SPATA6: variants seen among roughly 807,000 people sequenced by gnomAD.
SPATA6 encodes the protein spermatogenesis-associated protein 6.
SPATA6 carries 56 observed loss-of-function variants against 65.3 expected under a neutral mutation model. That is an observed-to-expected ratio of 0.86 (90% CI 0.69 to 1.07). SPATA6 has a LOEUF of 1.07. Among genes scored for constraint, SPATA6 ranks in the 50% least tolerant of loss-of-function variants. The probability of loss-of-function intolerance (pLI) is 0.00; values close to 1 mark genes in which losing one functional copy is unlikely to be tolerated. For synonymous variants in SPATA6, 199 were observed against 213.2 expected, an observed-to-expected ratio of 0.93 and a Z score of 0.58; for missense variants, 590 against 594.8, an observed-to-expected ratio of 0.99 and a Z score of 0.08.
At position 48,470,673 on chromosome 1, in the gene SPATA6, T is replaced by C. The variant is rs1375496793; in HGVS notation, c.51+1285A>G. 2.0e-5 allele frequency among the ~76,000 whole-genome samples: 3 copies of C among 152,130 alleles called. No homozygotes were observed. In the East Asian group the frequency reaches 5.8e-4, roughly 29 times the overall value. Reference sequence around the variant, plus strand: ...GTGATTTTCCTAGGGGTTTAAGTTCTGTGCTGCAGCAACCTCATTCTAACG... The same window carrying C: ...GTGATTTTCCTAGGGGTTTAAGTTCCGTGCTGCAGCAACCTCATTCTAACG... On this transcript the variant is annotated intron_variant, in intron 1 of 12. Transcript: ENST00000371847.
At chr1:48,459,048 AG>A (rs1657217981) in intron 1 of SPATA6, among the ~76,000 whole-genome samples, 1 of 151,786 alleles carries the variant, frequency 6.6e-6, no homozygotes, top group African/African-American at 2.4e-5. Context: ...TACTAAAAAT[AG>A]AAAAAATTAA....
intron 1 of SPATA6, among the ~76,000 whole-genome samples, chr1:48,459,555 C>A (rs1314030526): frequency 6.6e-6 from 1 of 152,010 alleles, no homozygotes; most frequent in Admixed American, 6.6e-5. Context: ...AATAAGCAGT[C>A]AAGTAATCAT....
rs982602814 is a variant in SPATA6, at chr1:48,421,296, A to T, written c.239-8145T>A. Reference sequence around the variant, plus strand: ...CAATGTATAAATGTATTAAAATTTCATATGATGCCCTATATATATGCACAA... The same window carrying T: ...CAATGTATAAATGTATTAAAATTTCTTATGATGCCCTATATATATGCACAA... On this transcript the variant is annotated intron_variant, in intron 3 of 12. Transcript: ENST00000371847. Among the ~76,000 whole-genome samples the T allele has an allele frequency of 7.1e-5, 9 of 126,106 alleles. No homozygotes were observed. The East Asian group carries it at 1.8e-3, about 25-fold the overall frequency. 82.7% of individuals were successfully genotyped at this position (126,106 alleles called of 152,430 possible). A position where few individuals can be genotyped will look rare whatever the true frequency, so the allele number is the denominator to read the frequency against.
chr1:48,313,215 G>A (rs1173512315), intron 11 of SPATA6, among the ~76,000 whole-genome samples: 1 of 152,116 alleles, frequency 6.6e-6, no homozygotes, highest in Non-Finnish European at 1.5e-5. Context: ...TACTCCTCGA[G>A]AAGAGCAACT....
At chr1:48,434,274 A>AC (rs1654680691) in intron 3 of SPATA6, among the ~76,000 whole-genome samples, 1 of 151,514 alleles carries the variant, frequency 6.6e-6, no homozygotes, top group Non-Finnish European at 1.5e-5. Flanking sequence ...AAAAAAAAAA[A>AC]AAAACAGGAA....
chr1:48,329,862 C>G (rs1645866212), intron 11 of SPATA6, among the ~76,000 whole-genome samples: 1 of 152,184 alleles, frequency 6.6e-6, no homozygotes, highest in Non-Finnish European at 1.5e-5. Flanking sequence ...CTGTGCAAGA[C>G]CAGGAACAGG....
intron 10 of SPATA6, among the ~76,000 whole-genome samples, chr1:48,358,834 T>A (rs1646729880): frequency 1.3e-5 from 2 of 152,172 alleles, no homozygotes; most frequent in African/African-American, 2.4e-5. Context: ...CCACTATGAA[T>A]ACTTTCAAAG....
intron 11 of SPATA6, among the ~76,000 whole-genome samples, chr1:48,316,082 A>C (rs990630733): frequency 3.3e-5 from 5 of 152,344 alleles, no homozygotes; most frequent in South Asian, 2.1e-4. Context: ...AGGAAGAATC[A>C]ATATCATGAA....
rs574527664 is a variant in SPATA6 at position 48,314,267 on chromosome 1, C to G, written c.1195-8389G>C. Among the ~76,000 whole-genome samples the G allele has an allele frequency of 2.0e-5, 3 of 152,288 alleles. No homozygotes were observed. In the East Asian group the frequency reaches 5.8e-4, roughly 29 times the overall value. ...TTTTCAGCACCACACCACACCTATT[C>G]CAAAACTGACCACATAGTTGGAAGT... is the stretch of plus-strand genomic sequence containing the variant. On this transcript the variant is annotated intron_variant, in intron 11 of 12. Coordinates refer to ENST00000371847, the MANE Select transcript of SPATA6 (RefSeq NM_019073.4).
chr1:48,276,902 A>G, the SPATA6 span, among the ~76,000 whole-genome samples: 3 of 151,820 alleles, frequency 2.0e-5, no homozygotes, highest in South Asian at 6.3e-4. Flanking sequence ...TTTGTGTCTC[A>G]TTGATCTAAT....
chr1:48,275,651 C>T, the SPATA6 span, among the ~76,000 whole-genome samples: 10 of 151,074 alleles, frequency 6.6e-5, no homozygotes, highest in South Asian at 2.1e-4. Flanking sequence ...TTGATTGATT[C>T]GCATATGTTT....
At chr1:48,455,425 C>T (rs1162782097) in intron 1 of SPATA6, among the ~76,000 whole-genome samples, 1 of 151,136 alleles carries the variant, frequency 6.6e-6, no homozygotes, top group Non-Finnish European at 1.5e-5. Flanking sequence ...GTCTGTCGTC[C>T]AGGCTGCAGT....
rs1646642035 is a variant in SPATA6, at chr1:48,355,774, A to G, written c.1095-5T>C. The G allele has an allele frequency of 6.2e-7, 1 of 1,607,132 alleles. No individual in the cohort carries two copies. The highest frequency in any genetic ancestry group is 1.3e-5 in the African/African-American group (1 of 74,560). ...GAACACCAATCAGAATGAAATCTGT[A>G]GGCAAAAAATAAGTTTTATTTTTGT... On this transcript the variant is annotated splice_region_variant and splice_polypyrimidine_tract_variant and intron_variant, in intron 10 of 12. Transcript: ENST00000371847.
intron 1 of SPATA6, among the ~76,000 whole-genome samples, chr1:48,467,515 A>G (rs755272443): frequency 2.6e-5 from 4 of 152,260 alleles, no homozygotes; most frequent in Non-Finnish European, 5.9e-5. Flanking sequence ...ACAAGAATGA[A>G]TATTCATAAT....
chr1:48,436,307 T>C (rs1654934409), intron 3 of SPATA6: 2 of 1,613,256 alleles, frequency 1.2e-6, no homozygotes, highest in South Asian at 2.2e-5. Flanking sequence ...TCCCACTTTT[T>C]CCGGCATCCC....
chr1:48,269,072 C>G, the SPATA6 span, among the ~76,000 whole-genome samples: 1 of 152,068 alleles, frequency 6.6e-6, no homozygotes, highest in Admixed American at 6.5e-5. Flanking sequence ...TCTCACACAG[C>G]CTACATAAAT....
chr1:48,401,706 T>C (rs1327454739), intron 6 of SPATA6, among the ~76,000 whole-genome samples: 1 of 152,080 alleles, frequency 6.6e-6, no homozygotes, highest in Non-Finnish European at 1.5e-5. Context: ...GGGCAAAACA[T>C]CTGCCACTGT....
chr1:48,311,998 C>A (rs960344936), intron 11 of SPATA6, among the ~76,000 whole-genome samples: 1 of 152,166 alleles, frequency 6.6e-6, no homozygotes, highest in Non-Finnish European at 1.5e-5. Flanking sequence ...GATAAAACTG[C>A]AAGGTGGCAG....
rs76033189 is a variant in SPATA6 at position 48,414,843 on chromosome 1, C to G, written c.239-1692G>C. Among the ~76,000 whole-genome samples the G allele has an allele frequency of 8.5e-3, 1,297 of 152,196 alleles. 20 individuals carry two copies. Among genetic ancestry groups the G allele is most frequent in the African/African-American group, 0.028 (1,173 of 41,508 alleles). On this transcript the variant is annotated intron_variant, in intron 3 of 12. Transcript: ENST00000371847. ...AAAAAAACAGTTTGAAGAGACTGAA[C>G]AAGCATCAGACCCAGAGTCAGATAT...
Sources: gnomAD v4.1 joint callset for allele counts (sites outside exome capture counted in the v4.1 genomes callset) on GRCh38, gnomAD v4.1.1 for gene constraint, MANE v1.5 for transcripts, NCBI Gene and HGNC (gene_info 2026-07-23, HGNC 2026-07-21) for gene names.